CCDC60: variants seen among roughly 807,000 people sequenced by gnomAD.
The protein encoded by CCDC60 is coiled-coil domain-containing protein 60.
CCDC60 carries 54 observed loss-of-function variants against 63.5 expected under a neutral mutation model. The observed-to-expected ratio is 0.85, with a 90% CI of 0.68 to 1.07. CCDC60 has a LOEUF of 1.07. Ranked by LOEUF, CCDC60 falls within the 50% of genes least tolerant of loss-of-function variation. CCDC60 has a pLI of 0.00. For missense variants in CCDC60, 651 were observed against 684.3 expected (o/e 0.95, Z 0.54); for synonymous variants, 206 against 238.8 (o/e 0.86, Z 1.27).
chr12:119,459,974 T>C (rs905487265), intron 2 of CCDC60, among the ~76,000 whole-genome samples: 5 of 152,226 alleles, frequency 3.3e-5, no homozygotes, highest in Non-Finnish European at 7.3e-5. Context: ...AGTGGCTTTA[T>C]CTGTGCAGTG....
intron 1 of CCDC60, among the ~76,000 whole-genome samples, chr12:119,392,503 G>A (rs575589002): frequency 1.3e-5 from 2 of 152,348 alleles, no homozygotes; most frequent in East Asian, 3.9e-4. Context: ...ACCTAGTAGA[G>A]TTGTGGTGGA....
intron 4 of CCDC60, 101 bp from the exon 5 acceptor site, chr12:119,488,658 C>T: frequency 1.0e-6 from 1 of 958,558 alleles, no homozygotes; most frequent in South Asian, 1.4e-5. Flanking sequence ...GGTGCCTGCT[C>T]CCTCACTGGG....
intron 1 of CCDC60, among the ~76,000 whole-genome samples, 172 bp downstream of exon 1, chr12:119,335,438 C>T (rs1736804280): frequency 6.6e-6 from 1 of 151,488 alleles, no homozygotes; most frequent in Non-Finnish European, 1.5e-5. Flanking sequence ...GTTCCTATTT[C>T]TCCACATCCT....
At chr12:119,471,963 T>A in intron 2 of CCDC60, 31 bp from the exon 3 acceptor site, 1 of 1,597,834 alleles carries the variant, frequency 6.3e-7, no homozygotes. Context: ...CCTTCCTCCC[T>A]CTCTCCCTCT....
At chr12:119,408,788 G>A (rs1338017760) in intron 1 of CCDC60, among the ~76,000 whole-genome samples, 1 of 151,858 alleles carries the variant, frequency 6.6e-6, no homozygotes, top group Non-Finnish European at 1.5e-5. Flanking sequence ...TCAGGCCACT[G>A]CACTCCAGCC....
At chr12:119,337,703 AAG>A (rs1332848350) in intron 1 of CCDC60, among the ~76,000 whole-genome samples, 2 of 152,136 alleles carry the variant, frequency 1.3e-5, no homozygotes, top group Admixed American at 1.3e-4. Context: ...TGGGGAGTAA[AAG>A]AGATAAGAAA....
Position 119,505,865 on chromosome 12 carries a change from A to T in CCDC60, c.883+562A>T, listed in dbSNP as rs148080621. ...GGAAGACTCCATCTCAAAAAAAAGC[A>T]TTTTTTTAAATTTAGCCCAGTTTAT... On this transcript the variant is annotated intron_variant, in intron 7 of 13. Transcript: ENST00000327554. Among the ~76,000 whole-genome samples, 104 of 152,300 alleles carry T rather than the reference A, an allele frequency of 6.8e-4. 1 individual carries two copies. In the East Asian group the frequency reaches 0.019, roughly 27 times the overall value.
chr12:119,449,362 T>C (rs1950592008), intron 2 of CCDC60, among the ~76,000 whole-genome samples: 1 of 152,214 alleles, frequency 6.6e-6, no homozygotes, highest in South Asian at 2.1e-4. Context: ...TGATCACTTC[T>C]TCCAGAACAC....
intron 10 of CCDC60, 140 bp downstream of exon 10, chr12:119,523,141 C>A (rs1952575948): frequency 8.7e-6 from 7 of 804,940 alleles, no homozygotes; most frequent in South Asian, 1.5e-5. Flanking sequence ...ACAAGGGATC[C>A]CCCAGGTTTA....
chr12:119,408,439 T>A (rs1043201861), intron 1 of CCDC60, among the ~76,000 whole-genome samples: 10 of 152,174 alleles, frequency 6.6e-5, no homozygotes, highest in Admixed American at 5.9e-4. Context: ...GCTCATACAC[T>A]TGGCTATTGG....
intron 1 of CCDC60, among the ~76,000 whole-genome samples, chr12:119,370,265 T>C (rs957166385): frequency 2.0e-5 from 3 of 152,202 alleles, no homozygotes; most frequent in African/African-American, 7.2e-5. Flanking sequence ...CATGCACTAT[T>C]GTTAAGTTCT....
intron 8 of CCDC60, 123 bp downstream of exon 8, chr12:119,516,830 T>G (rs995363872): frequency 3.2e-6 from 2 of 629,108 alleles, no homozygotes; most frequent in African/African-American, 3.7e-5. Flanking sequence ...TGTTTATGTG[T>G]ATCACCTCTC....
intron 1 of CCDC60, among the ~76,000 whole-genome samples, chr12:119,348,087 C>T (rs990610334): frequency 2.0e-5 from 3 of 152,092 alleles, no homozygotes; most frequent in Admixed American, 1.3e-4. Flanking sequence ...ATGACTGTCG[C>T]CTGTGTTGCT....
rs757214573 is a variant in CCDC60 at position 119,456,059 on chromosome 12, G to GA, written c.171-15932dup. ...AGAAAGAAAGAAAGAAAGAAAGAAA[G>GA]AAAGCAAGCAAGCATGTGCAATTTC... On this transcript the variant is annotated intron_variant, in intron 2 of 13. Coordinates refer to ENST00000327554, the MANE Select transcript of CCDC60 (RefSeq NM_178499.5). This position sits in a 1 kb window ranked among gnomAD's most constrained non-coding sequence, Gnocchi z 4.6. 1.6e-4 allele frequency among the ~76,000 whole-genome samples: 20 copies of GA among 121,716 alleles called. 2 individuals carry two copies. In the South Asian group the frequency reaches 2.0e-3, roughly 12 times the overall value. 79.9% of individuals were successfully genotyped at this position (121,716 alleles called of 152,430 possible). A position where few individuals can be genotyped will look rare whatever the true frequency, so the allele number is the denominator to read the frequency against.
intron 5 of CCDC60, 49 bp downstream of exon 5, chr12:119,488,915 G>T: frequency 7.0e-7 from 1 of 1,433,678 alleles, no homozygotes; most frequent in Non-Finnish European, 9.8e-7. Context: ...AGGCTGGGCA[G>T]TGGGGAAGAG....
chr12:119,484,798 A>G (rs1951398926), intron 4 of CCDC60, among the ~76,000 whole-genome samples: 2 of 152,196 alleles, frequency 1.3e-5, no homozygotes, highest in South Asian at 2.1e-4. Flanking sequence ...ACCATTTTCC[A>G]TCAGTAACTG....
At chr12:119,457,085 C>T (rs148141879) in intron 2 of CCDC60, among the ~76,000 whole-genome samples, 47 of 152,242 alleles carry the variant, frequency 3.1e-4, no homozygotes, top group African/African-American at 8.9e-4. Context: ...TTTTTGCCAC[C>T]CTAGAGTGAT....
At position 119,540,982 on chromosome 12, in the gene CCDC60, T is replaced by C. The variant is rs1024742122; in HGVS notation, c.*267T>C. On this transcript the variant is annotated 3_prime_UTR_variant, in exon 14 of 14. Transcript: ENST00000327554. ...CCAGCCTGACTCTACCTACTTCCTC[T>C]TCAGATTCCTTCACCCTATTTACCT... is the stretch of plus-strand genomic sequence containing the variant. The C allele has an allele frequency of 2.5e-5, 9 of 354,594 alleles. No homozygotes were observed. Among genetic ancestry groups the C allele is most frequent in the African/African-American group, 8.4e-5 (4 of 47,364 alleles). The allele number at this position is 354,594 out of a possible 1,614,324, so 22.0% of individuals were successfully genotyped here.
At chr12:119,428,971 C>T (rs552314481) in intron 2 of CCDC60, 2 of 362,524 alleles carry the variant, frequency 5.5e-6, no homozygotes, top group Non-Finnish European at 9.2e-6. Context: ...GCCATGCCAG[C>T]CTCCAGCCGC....
Sources: gnomAD v4.1 joint callset for allele counts (sites outside exome capture counted in the v4.1 genomes callset) on GRCh38, gnomAD v4.1.1 for gene constraint, Gnocchi (gnomAD v3.1) non-coding constraint, MANE v1.5 for transcripts, NCBI Gene and HGNC (gene_info 2026-07-23, HGNC 2026-07-21) for gene names.